The following SPATA24 variants were observed in gnomAD, a reference collection of about 807,000 sequenced individuals.
The protein encoded by SPATA24 is spermatogenesis-associated protein 24.
Under a neutral mutation model 28.9 loss-of-function variants are expected in SPATA24, and 21 were observed. That is an observed-to-expected ratio of 0.73 (90% confidence interval 0.52 to 1.05). The LOEUF (loss-of-function observed/expected upper bound fraction) is 1.05. Ranked by LOEUF, SPATA24 falls within the 50% of genes least tolerant of loss-of-function variation. The probability of loss-of-function intolerance (pLI) is 0.00; values close to 1 mark genes in which losing one functional copy is unlikely to be tolerated. For missense variants in SPATA24, 215 were observed against 242.9 expected, an observed-to-expected ratio of 0.88 and a Z score of 0.76; for synonymous variants, 76 against 89.9, an observed-to-expected ratio of 0.85 and a Z score of 0.88.
Position 139,401,792 on chromosome 5 carries a change from C to G in SPATA24, c.348G>C (p.Glu116Asp). ...TGATGAGCTGGTCCTTCTTGCTGGA[C>G]TCCTGAAGGACTTTGCTCTTGACAC... ...LSSVKSKVLQ[E>D]SSKKDQLITK... The change falls in exon 4 of 6, where the codon GAG becomes GAC. Residue 116 changes from glutamate (E) to aspartate (D), a missense_variant. By Grantham distance (45) the Glu-to-Asp change is conservative. Transcript: ENST00000450845. 3.2e-6 allele frequency: 5 copies of G among 1,551,664 alleles called. No individual in the cohort carries two copies. Among genetic ancestry groups the G allele is most frequent in the Non-Finnish European group, 4.4e-6 (5 of 1,146,978 alleles).
intron 2 of SPATA24, 135 bp from the exon 3 acceptor site, chr5:139,402,180 G>A (rs1758839584): frequency 6.1e-6 from 7 of 1,143,308 alleles, no homozygotes; most frequent in Non-Finnish European, 8.3e-6. Flanking sequence ...TGCTACAGGG[G>A]CTGGAGGTTC....
At position 139,402,062 on chromosome 5, in the gene SPATA24, A is replaced by C. The variant is rs1198519510; in HGVS notation, c.184-17T>G. The C allele has an allele frequency of 2.6e-6, 4 of 1,550,018 alleles. No homozygotes were observed. The highest frequency in any genetic ancestry group is 3.5e-6 in the Non-Finnish European group (4 of 1,146,660). On this transcript the variant is annotated splice_polypyrimidine_tract_variant and intron_variant, in intron 2 of 5. Coordinates refer to ENST00000450845, the MANE Select transcript of SPATA24 (RefSeq NM_194296.2). ...TTTCTCTTCCTGCAGGGGCAGCAGCAGTCACCTCATTACCCTAGGCCGCCT... is the reference window on the plus strand; with the variant it reads ...TTTCTCTTCCTGCAGGGGCAGCAGCCGTCACCTCATTACCCTAGGCCGCCT...
rs532597898 is a variant in SPATA24 at position 139,401,977 on chromosome 5, G to A, written c.252C>T (p.Ala84=). 1 of 1,551,682 alleles carries A rather than the reference G, an allele frequency of 6.4e-7. No individual in the cohort carries two copies. Among genetic ancestry groups the A allele is most frequent in the African/African-American group, 1.4e-5 (1 of 73,092 alleles). The part of the protein sequence containing the change: ...LAKEEEKLQF[A]LGEVEVLSKQ... ...TGGATAGCACCTCTACCTCTCCGAG[G>A]GCAAACTGTAACTTCTCCTCTTCCT... The change falls in exon 3 of 6, where the codon GCC becomes GCT. Residue 84 remains alanine (A), a synonymous_variant. Transcript: ENST00000450845.
At chr5:139,394,758 C>G (rs1461948891), downstream of SPATA24, 35 of 1,532,510 alleles carry the variant, frequency 2.3e-5, no homozygotes, top group Non-Finnish European at 3.0e-5. Context: ...CCATCTCCCC[C>G]GACGGCAGCG....
chr5:139,395,284 C>T (rs1561990440), downstream of SPATA24: 3 of 439,408 alleles, frequency 6.8e-6, no homozygotes, highest in South Asian at 7.3e-5. Flanking sequence ...CAACTAACCC[C>T]CTTCTCAGGC....
chr5:139,393,709 A>G, downstream of SPATA24: 1 of 1,551,102 alleles, frequency 6.4e-7, no homozygotes, highest in Non-Finnish European at 8.7e-7. Flanking sequence ...CCACTGGGAA[A>G]GGATCGGAGG....
downstream of SPATA24, chr5:139,392,567 G>T: frequency 7.4e-7 from 1 of 1,353,366 alleles, no homozygotes; most frequent in Non-Finnish European, 9.5e-7. The surrounding 1 kb of genome is among the most constrained non-coding windows in gnomAD (Gnocchi z 5.8). Context: ...AACGCCAGGG[G>T]CTCCCGCGGG....
chr5:139,394,967 CTGG>C, downstream of SPATA24: 1 of 1,520,840 alleles, frequency 6.6e-7, no homozygotes. Flanking sequence ...TCCGGAGAAC[CTGG>C]AGCCGTGTAG....
chr5:139,401,420 T>A (rs1017733928), intron 4 of SPATA24: 1 of 604,338 alleles, frequency 1.7e-6, no homozygotes, highest in Admixed American at 2.9e-5. Context: ...AATAGGACAG[T>A]GCTTGCCCTG....
intron 5 of SPATA24, 44 bp downstream of exon 5, chr5:139,396,997 C>T: frequency 6.4e-7 from 1 of 1,551,594 alleles, no homozygotes; most frequent in Non-Finnish European, 8.7e-7. Context: ...AGGTCTGGCT[C>T]CCCAGTGTCA....
downstream of SPATA24, chr5:139,393,342 C>T (rs1353708925): frequency 6.4e-7 from 1 of 1,551,192 alleles, no homozygotes; most frequent in East Asian, 2.4e-5. Flanking sequence ...CCTCTGGGGA[C>T]TGCTGACTCC....
intron 1 of SPATA24, 71 bp downstream of exon 1, chr5:139,403,873 C>G (rs1758874494): frequency 7.6e-7 from 1 of 1,313,700 alleles, no homozygotes; most frequent in Admixed American, 2.0e-5. Context: ...CGCATCGGAA[C>G]AGGTTCTGGC....
downstream of SPATA24, chr5:139,393,925 C>G: frequency 6.4e-7 from 1 of 1,551,000 alleles, no homozygotes; most frequent in Non-Finnish European, 8.7e-7. Flanking sequence ...CCTCACAGCC[C>G]TACTCGGAAC....
downstream of SPATA24, chr5:139,394,373 G>A: frequency 5.0e-6 from 7 of 1,409,678 alleles, no homozygotes; most frequent in Non-Finnish European, 6.4e-6. Context: ...GACTCGTCCA[G>A]GGAACCGGTG....
chr5:139,400,093 C>A (rs536891875), intron 4 of SPATA24, among the ~76,000 whole-genome samples: 1 of 152,194 alleles, frequency 6.6e-6, no homozygotes, highest in Non-Finnish European at 1.5e-5. Flanking sequence ...GCCTGCCTGG[C>A]CAGATCAAGA....
chr5:139,393,137 G>A, downstream of SPATA24: 1 of 1,532,622 alleles, frequency 6.5e-7, no homozygotes, highest in South Asian at 1.2e-5. Flanking sequence ...GGAGGCGCAG[G>A]CAGCCCAGAG....
rs892926511 is a variant in SPATA24, at chr5:139,403,904, A to G, written c.117+40T>C. ...CTGGCCCCGCCCCCACCAGTGAGGC[A>G]TCCGGCCCCGCCTCTCCCCAAACTC... On this transcript the variant is annotated intron_variant, in intron 1 of 5. Coordinates refer to ENST00000450845, the MANE Select transcript of SPATA24 (RefSeq NM_194296.2). 1.8e-5 allele frequency: 27 copies of G among 1,513,798 alleles called. No homozygotes were observed. In the Middle Eastern group the frequency reaches 5.1e-4, roughly 28 times the overall value. The allele number at this position is 1,513,798 out of a possible 1,614,324, so 93.8% of individuals were successfully genotyped here.
downstream of SPATA24, chr5:139,396,703 G>A: frequency 1.3e-6 from 2 of 1,547,686 alleles, no homozygotes; most frequent in Non-Finnish European, 1.7e-6. Context: ...CTATCCAAGA[G>A]GGAGGGAAGT....
At chr5:139,396,193 G>A (rs186924260), downstream of SPATA24, 3,152 of 985,368 alleles carry the variant, frequency 3.2e-3, 10 homozygotes, top group Non-Finnish European at 3.4e-3. Context: ...CTGCCTGGGT[G>A]TGTCCCCATG....
Sources: gnomAD v4.1 joint callset for allele counts (sites outside exome capture counted in the v4.1 genomes callset) on GRCh38, gnomAD v4.1.1 for gene constraint, Gnocchi (gnomAD v3.1) non-coding constraint, MANE v1.5 for transcripts, NCBI Gene and HGNC (gene_info 2026-07-23, HGNC 2026-07-21) for gene names.